Variants in RAB3GAP1 observed in about 807,000 individuals in gnomAD.
RAB3GAP1 encodes rab3 GTPase-activating protein catalytic subunit.
RAB3GAP1 carries 86 observed loss-of-function variants against 130.7 expected under a neutral mutation model. That is an observed-to-expected ratio of 0.66 (90% confidence interval 0.55 to 0.79). RAB3GAP1 has a LOEUF of 0.79. Among genes scored for constraint, RAB3GAP1 ranks in the 30% least tolerant of loss-of-function variants. The probability of loss-of-function intolerance (pLI) is 0.00; values close to 1 mark genes in which losing one functional copy is unlikely to be tolerated. For synonymous variants in RAB3GAP1, 367 were observed against 401.7 expected, an observed-to-expected ratio of 0.91 and a Z score of 1.03; for missense variants, 1,029 against 1,169.4, an observed-to-expected ratio of 0.88 and a Z score of 1.75.
Position 135,169,031 on chromosome 2 carries a change from G to C in RAB3GAP1, c.*250G>C, listed in dbSNP as rs1692759198. On this transcript the variant is annotated 3_prime_UTR_variant, in exon 24 of 24. Transcript: ENST00000264158. ...TAGAGATGGCCTTTGTATATGGGGG[G>C]GTGGTGGGGGGACACAAACACATCA... is the stretch of plus-strand genomic sequence containing the variant. The C allele has an allele frequency of 1.9e-6, 1 of 524,286 alleles. No homozygotes were observed. The highest frequency in any genetic ancestry group is 3.2e-5 in the Admixed American group (1 of 31,586). 32.5% of individuals were successfully genotyped at this position (524,286 alleles called of 1,614,324 possible). A position where few individuals can be genotyped will look rare whatever the true frequency, so the allele number is the denominator to read the frequency against.
chr2:135,153,023 C>T (rs984308209), intron 18 of RAB3GAP1: 3 of 152,862 alleles, frequency 2.0e-5, no homozygotes, highest in Non-Finnish European at 2.9e-5. Flanking sequence ...AATTCCAACT[C>T]GTTAACAGCA....
chr2:135,054,575 A>C (rs1688961008), intron 2 of RAB3GAP1, among the ~76,000 whole-genome samples: 1 of 152,240 alleles, frequency 6.6e-6, no homozygotes, highest in South Asian at 2.1e-4. Flanking sequence ...GAATGTAAGG[A>C]AGTGTCAAAG....
At chr2:135,150,531 G>A in intron 18 of RAB3GAP1, 25 bp downstream of exon 18, 1 of 1,613,370 alleles carries the variant, frequency 6.2e-7, no homozygotes, top group Non-Finnish European at 8.5e-7. Context: ...CAGAGCTCTG[G>A]GGTCTATTTT....
chr2:135,124,202 G>A lies in RAB3GAP1; in HGVS notation c.786G>A (p.Leu262=), dbSNP rs768676274. The change falls in exon 9 of 24, where the codon TTG becomes TTA. Residue 262 remains leucine (L), a synonymous_variant. Coordinates refer to ENST00000264158, the MANE Select transcript of RAB3GAP1 (RefSeq NM_012233.3). ...TTGTAGGAGGAGAAGTTGGAGGCTT[G>A]GAGTTTGGCAAGTTACCATTTGGTG... The part of the protein sequence containing the change: ...DALVGGEVGG[L]EFGKLPFGAC... 1.2e-6 allele frequency: 2 copies of A among 1,614,128 alleles called. No homozygotes were observed. The highest frequency in any genetic ancestry group is 1.7e-6 in the Non-Finnish European group (2 of 1,179,998).
chr2:135,076,914 CAG>C (rs1689647537), intron 3 of RAB3GAP1, among the ~76,000 whole-genome samples: 1 of 152,170 alleles, frequency 6.6e-6, no homozygotes, highest in African/African-American at 2.4e-5. Flanking sequence ...TGTAACGTGT[CAG>C]AATTTCATTC....
chr2:135,174,201 T>A (rs1692940328), downstream of RAB3GAP1, among the ~76,000 whole-genome samples: 1 of 152,200 alleles, frequency 6.6e-6, no homozygotes. Context: ...GGCCTTAGCT[T>A]AGCAGCCAAG....
chr2:135,171,156 G>A (rs1293971547), downstream of RAB3GAP1, among the ~76,000 whole-genome samples: 1 of 152,078 alleles, frequency 6.6e-6, no homozygotes, highest in Non-Finnish European at 1.5e-5. Flanking sequence ...GTCTATTTGG[G>A]GGGCAGCCAA....
chr2:135,173,499 AGAGGCG>A (rs1692916741), downstream of RAB3GAP1, among the ~76,000 whole-genome samples: 2 of 152,190 alleles, frequency 1.3e-5, no homozygotes, highest in Admixed American at 1.3e-4. Context: ...ATGAGGACTA[AGAGGCG>A]ACTGTTGTGT....
chr2:135,112,633 C>G (rs1253401760), intron 5 of RAB3GAP1, among the ~76,000 whole-genome samples: 1 of 152,152 alleles, frequency 6.6e-6, no homozygotes, highest in Non-Finnish European at 1.5e-5. Flanking sequence ...GCGTTCTCAG[C>G]CCAGCCATTC....
At position 135,130,030 on chromosome 2, in the gene RAB3GAP1, C is replaced by T. The variant is rs766629205; in HGVS notation, c.1009C>T (p.Arg337Ter). The change falls in exon 12 of 24, where the codon CGA (arginine) becomes TGA (stop). Residue 337 changes from arginine (R) to a stop codon, truncating the protein, a stop_gained. Transcript: ENST00000264158. LOFTEE classifies it high-confidence loss of function. Reference protein sequence around the residue: ...FVTEFFKICRRKESTDEILGR... With the variant: ...FVTEFFKICR ...CACTGAATTTTTTAAAATTTGCCGTCGAAAGGAGTCAACTGATGAGATTCT... is the reference window on the plus strand; with the variant it reads ...CACTGAATTTTTTAAAATTTGCCGTTGAAAGGAGTCAACTGATGAGATTCT... The T allele has an allele frequency of 9.9e-6, 16 of 1,611,212 alleles. No individual in the cohort carries two copies. The highest frequency in any genetic ancestry group is 4.0e-5 in the African/African-American group (3 of 74,432).
At chr2:135,160,674 C>CAAAAA (rs59034119) in intron 19 of RAB3GAP1, among the ~76,000 whole-genome samples, 1 of 33,870 alleles carries the variant, frequency 3.0e-5, no homozygotes, top group African/African-American at 7.8e-5. Context: ...GACCCTGTCT[C>CAAAAA]AAAAAAAAAA....
intron 18 of RAB3GAP1, among the ~76,000 whole-genome samples, chr2:135,152,654 A>C (rs1004712121): frequency 7.2e-5 from 11 of 152,168 alleles, no homozygotes; most frequent in Admixed American, 2.0e-4. Context: ...TCAGTGAAGG[A>C]TCTTCTAGGG....
At chr2:135,174,170 C>G (rs928644560), downstream of RAB3GAP1, among the ~76,000 whole-genome samples, 2 of 152,214 alleles carry the variant, frequency 1.3e-5, no homozygotes, top group Non-Finnish European at 2.9e-5. Flanking sequence ...GAAAGTCCCC[C>G]CTCTTGCAGG....
At chr2:135,119,545 G>A (rs1691134630) in intron 7 of RAB3GAP1, among the ~76,000 whole-genome samples, 1 of 152,146 alleles carries the variant, frequency 6.6e-6, no homozygotes, top group African/African-American at 2.4e-5. Flanking sequence ...TTTGATATCT[G>A]GACATGACTA....
intron 2 of RAB3GAP1, among the ~76,000 whole-genome samples, chr2:135,053,139 G>A (rs1165676654): frequency 6.6e-6 from 1 of 152,172 alleles, no homozygotes; most frequent in South Asian, 2.1e-4. Flanking sequence ...CCACAGGCAC[G>A]CGCTATTACG....
rs151236437 is a variant in RAB3GAP1, at chr2:135,123,251, G to A, written c.749-914G>A. Among the ~76,000 whole-genome samples the A allele has an allele frequency of 3.0e-3, 453 of 152,220 alleles. 3 individuals are homozygous for A. The highest frequency in any genetic ancestry group is 0.01 in the African/African-American group (422 of 41,520). ...TTTTTAATTTACTAATTATAAAAAT[G>A]TGCTTGTAATTTTGAAGCTTTTACA... On this transcript the variant is annotated intron_variant, in intron 8 of 23. Transcript: ENST00000264158.
rs1476504835 is a variant in RAB3GAP1 at position 135,169,764 on chromosome 2, C to A, written c.*983C>A. 3 of 455,720 alleles carry A rather than the reference C, an allele frequency of 6.6e-6. No individual in the cohort carries two copies. Among genetic ancestry groups the A allele is most frequent in the Non-Finnish European group, 1.3e-5 (3 of 226,488 alleles). The allele number at this position is 455,720 out of a possible 1,614,324, so 28.2% of individuals were successfully genotyped here. A position where few individuals can be genotyped will look rare whatever the true frequency, so the allele number is the denominator to read the frequency against. ...ATAATCGATGGGGATGTGTAGCCCC[C>A]CCGTGTGAGGATGACATCACCACAT... is the stretch of plus-strand genomic sequence containing the variant. On this transcript the variant is annotated 3_prime_UTR_variant, in exon 24 of 24. Transcript: ENST00000264158.
intron 7 of RAB3GAP1, among the ~76,000 whole-genome samples, chr2:135,117,597 G>GCTTCTTCTT (rs1691039898): frequency 5.6e-5 from 1 of 17,742 alleles, no homozygotes; most frequent in Non-Finnish European, 1.4e-4. Flanking sequence ...TTCTTCTGCT[G>GCTTCTTCTT]CTTCTTCTGC....
chr2:135,054,699 A>T (rs981609495), intron 2 of RAB3GAP1, among the ~76,000 whole-genome samples: 7 of 152,222 alleles, frequency 4.6e-5, no homozygotes, highest in African/African-American at 1.7e-4. Flanking sequence ...TTGAATGGAA[A>T]AATGATCACT....
Sources: gnomAD v4.1 joint callset for allele counts (sites outside exome capture counted in the v4.1 genomes callset) on GRCh38, gnomAD v4.1.1 for gene constraint, MANE v1.5 for transcripts, NCBI Gene and HGNC (gene_info 2026-07-23, HGNC 2026-07-21) for gene names.